The following PTPRD variants were observed in gnomAD, a reference collection of about 807,000 sequenced individuals.
PTPRD encodes receptor-type tyrosine-protein phosphatase delta.
Under a neutral mutation model 214.5 loss-of-function variants are expected in PTPRD, and 34 were observed. The observed-to-expected ratio is 0.16, with a 90% confidence interval of 0.12 to 0.21. The LOEUF (loss-of-function observed/expected upper bound fraction) is 0.21. Among genes scored for constraint, PTPRD ranks in the 10% least tolerant of loss-of-function variants. PTPRD has a pLI of 1.00. For synonymous variants in PTPRD, 1,128 were observed against 845.7 expected, an observed-to-expected ratio of 1.33 and a Z score of -5.79; for missense variants, 2,545 against 2,398.7, an observed-to-expected ratio of 1.06 and a Z score of -1.27.
chr9:9,620,754 TAG>T (rs1338904644), intron 7 of PTPRD, among the ~76,000 whole-genome samples: 1 of 152,096 alleles, frequency 6.6e-6, no homozygotes, highest in Non-Finnish European at 1.5e-5. Context: ...TTCATTTCCT[TAG>T]AGTTTTTGAG....
rs754610072 is a variant in PTPRD at position 9,606,965 on chromosome 9, TAAAAAAAAAAAAAAAAAAAA to T, written c.-286-32204_-286-32185del. On this transcript the variant is annotated intron_variant, in intron 7 of 45. Coordinates refer to ENST00000381196, the MANE Select transcript of PTPRD (RefSeq NM_002839.4). ...GCAGTATCTGATTACTCAGCACTGC[TAAAAAAAAAAAAAAAAAAAA>T]AAAAAAAAAAAAAAAAAAAAGTGTT... is the stretch of plus-strand genomic sequence containing the variant. 2.1e-3 allele frequency among the ~76,000 whole-genome samples: 57 copies of T among 27,488 alleles called. 2 individuals carry two copies. Among genetic ancestry groups the T allele is most frequent in the African/African-American group, 5.9e-3 (41 of 6,898 alleles). 18.0% of individuals were successfully genotyped at this position (27,488 alleles called of 152,430 possible).
intron 3 of PTPRD, among the ~76,000 whole-genome samples, chr9:10,328,273 C>T (rs1478162299): frequency 2.0e-5 from 3 of 151,544 alleles, no homozygotes; most frequent in Non-Finnish European, 4.4e-5. Context: ...CTCAGAGACA[C>T]ATATTAAGTT....
chr9:9,779,842 GT>G (rs1281017349), intron 5 of PTPRD, among the ~76,000 whole-genome samples: 5 of 152,186 alleles, frequency 3.3e-5, no homozygotes, highest in Admixed American at 6.5e-5. Context: ...GGGGAAAGCA[GT>G]TTGGAGGTTT....
chr9:8,535,899 C>T (rs2076820070), intron 14 of PTPRD, among the ~76,000 whole-genome samples: 1 of 151,866 alleles, frequency 6.6e-6, no homozygotes, highest in Non-Finnish European at 1.5e-5. Context: ...GATGCTCTTA[C>T]TAAATCCCAC....
chr9:10,554,564 A>G lies in PTPRD; in HGVS notation c.-600+57834T>C, dbSNP rs368449306. ...CAGCATCAGGTATTTGAGAATTCCA[A>G]TTTCCAGGATAATATATTATTTGAC... On this transcript the variant is annotated intron_variant, in intron 2 of 45. Transcript: ENST00000381196. 1.1e-4 allele frequency among the ~76,000 whole-genome samples: 17 copies of G among 152,264 alleles called. No individual in the cohort carries two copies. In the East Asian group the frequency reaches 3.1e-3, roughly 28 times the overall value.
intron 11 of PTPRD, among the ~76,000 whole-genome samples, chr9:8,771,180 C>CAAAAAAAAAAAAAAAAA (rs35840345): frequency 3.5e-5 from 5 of 141,106 alleles, no homozygotes; most frequent in African/African-American, 1.1e-4. Context: ...GATTCCGTCT[C>CAAAAAAAAAAAAAAAAA]AAAAAAAAAA....
intron 33 of PTPRD, among the ~76,000 whole-genome samples, chr9:8,453,700 C>A (rs941983128): frequency 6.6e-6 from 1 of 152,164 alleles, no homozygotes; most frequent in Non-Finnish European, 1.5e-5. Context: ...CTTTAGTATG[C>A]ATCAGCATCA....
chr9:10,316,215 T>C (rs980990125), intron 3 of PTPRD, among the ~76,000 whole-genome samples: 4 of 149,652 alleles, frequency 2.7e-5, no homozygotes, highest in Non-Finnish European at 5.9e-5. Context: ...ACATATATGA[T>C]AAAGACGACT....
chr9:10,251,862 T>C (rs2092803225), intron 3 of PTPRD, among the ~76,000 whole-genome samples: 1 of 152,126 alleles, frequency 6.6e-6, no homozygotes, highest in Non-Finnish European at 1.5e-5. Context: ...GAGGGTGGGT[T>C]AGGGAAAGGG....
intron 8 of PTPRD, among the ~76,000 whole-genome samples, chr9:9,404,171 T>C (rs2072188548): frequency 6.6e-6 from 1 of 151,974 alleles, no homozygotes; most frequent in Non-Finnish European, 1.5e-5. Flanking sequence ...TGCCAAGAAA[T>C]TTGGGTTTAT....
At chr9:8,589,765 T>C (rs1164438950) in intron 14 of PTPRD, among the ~76,000 whole-genome samples, 1 of 152,194 alleles carries the variant, frequency 6.6e-6, no homozygotes, top group Non-Finnish European at 1.5e-5. Flanking sequence ...TCCGTTTGAA[T>C]GAGAAACTTG....
At chr9:10,246,657 G>A (rs1011346458) in intron 3 of PTPRD, among the ~76,000 whole-genome samples, 1 of 152,048 alleles carries the variant, frequency 6.6e-6, no homozygotes, top group African/African-American at 2.4e-5. Context: ...AGAAAGAAAA[G>A]GAAACCTAAG....
chr9:10,201,780 G>T (rs951042610), intron 3 of PTPRD, among the ~76,000 whole-genome samples: 1 of 151,966 alleles, frequency 6.6e-6, no homozygotes, highest in African/African-American at 2.4e-5. Flanking sequence ...ATGCGATTAT[G>T]ATTTGTCAAC....
At chr9:10,433,886 A>ATTT (rs2098699729) in intron 2 of PTPRD, among the ~76,000 whole-genome samples, 1 of 151,896 alleles carries the variant, frequency 6.6e-6, no homozygotes, top group Non-Finnish European at 1.5e-5. Flanking sequence ...ACAATTGATC[A>ATTT]GAATACTGTA....
intron 3 of PTPRD, among the ~76,000 whole-genome samples, chr9:10,241,692 GTGGAGGAACGGT>G (rs923114016): frequency 6.6e-6 from 1 of 151,952 alleles, no homozygotes; most frequent in African/African-American, 2.4e-5. Flanking sequence ...ACCAGGGTTG[GTGGAGGAACGGT>G]TATTATAAAG....
intron 35 of PTPRD, among the ~76,000 whole-genome samples, chr9:8,414,891 G>A (rs1354608991): frequency 2.3e-5 from 3 of 129,848 alleles, no homozygotes; most frequent in African/African-American, 8.5e-5. Flanking sequence ...GGGAGGGAGG[G>A]AGAGAGGGAT....
chr9:10,301,234 G>A (rs1450765705), intron 3 of PTPRD, among the ~76,000 whole-genome samples: 1 of 151,986 alleles, frequency 6.6e-6, no homozygotes, highest in African/African-American at 2.4e-5. Flanking sequence ...TCAACAAAAG[G>A]GACGTCCACT....
intron 14 of PTPRD, among the ~76,000 whole-genome samples, chr9:8,556,722 T>C (rs187790077): frequency 6.6e-6 from 1 of 152,260 alleles, no homozygotes; most frequent in East Asian, 1.9e-4. Flanking sequence ...TGTCTTAGAA[T>C]GTACAAATTT....
At chr9:8,673,312 C>A (rs1423283140) in intron 12 of PTPRD, among the ~76,000 whole-genome samples, 3 of 152,128 alleles carry the variant, frequency 2.0e-5, no homozygotes, top group Non-Finnish European at 4.4e-5. Context: ...CATGTTGTCA[C>A]CTATTTTCCC....
Sources: allele counts gnomAD v4.1 joint callset (sites outside exome capture counted in the v4.1 genomes callset), GRCh38; gene constraint gnomAD v4.1.1; transcripts MANE v1.5; gene names NCBI Gene and HGNC (gene_info 2026-07-23, HGNC 2026-07-21).